Variants in ERFE observed in about 807,000 individuals in gnomAD.
ERFE encodes the protein complement C1q tumor necrosis factor-related protein 15.
Under a neutral mutation model 26.6 loss-of-function variants are expected in ERFE, and 25 were observed. The observed-to-expected ratio is 0.94, with a 90% CI of 0.69 to 1.31. The LOEUF is 1.31. ERFE is among the 40% of genes most tolerant of loss of function. The probability of loss-of-function intolerance (pLI) is 0.00; values close to 1 mark genes in which losing one functional copy is unlikely to be tolerated. For synonymous variants in ERFE, 206 were observed against 204.5 expected (o/e 1.01, Z -0.06); for missense variants, 447 against 440.2 (o/e 1.02, Z -0.14).
At chr2:238,166,104 G>A (rs1485669443) in intron 7 of ERFE, among the ~76,000 whole-genome samples, 1 of 152,228 alleles carries the variant, frequency 6.6e-6, no homozygotes, top group Non-Finnish European at 1.5e-5. Context: ...AGCCAGATAC[G>A]TTATTTTCCT....
At chr2:238,159,258 C>A in intron 1 of ERFE, 53 bp downstream of exon 1, 1 of 193,128 alleles carries the variant, frequency 5.2e-6, no homozygotes, top group Non-Finnish European at 1.0e-5. Flanking sequence ...CGCCCCGGCT[C>A]GGGGCGGCGG....
At chr2:238,164,636 C>G (rs1415109754) in intron 6 of ERFE, 1 of 448,078 alleles carries the variant, frequency 2.2e-6, no homozygotes, top group African/African-American at 2.1e-5. Context: ...GGGCGGATCA[C>G]GAGGTCAGGA....
At position 238,161,672 on chromosome 2, in the gene ERFE, G is replaced by A; in HGVS notation, c.277G>A (p.Val93Ile). The A allele has an allele frequency of 6.5e-7, 1 of 1,548,060 alleles. No homozygotes were observed. Among genetic ancestry groups the A allele is most frequent in the Non-Finnish European group, 8.7e-7 (1 of 1,145,016 alleles). ...CTTCGTCAGGCAGAGTGACAAGGGT[G>A]TCAATGGCAAGAAGAGGAGCAGGGG... Reference protein sequence around the residue: ...MLFVRQSDKGVNGKKRSRGKA... With the variant: ...MLFVRQSDKGINGKKRSRGKA... The change falls in exon 2 of 8, where the codon GTC (valine) becomes ATC (isoleucine). Residue 93 changes from valine (V) to isoleucine (I), a missense_variant. Physicochemically the swap from Val to Ile is conservative, Grantham distance 29 (BLOSUM62 3). Transcript: ENST00000546354.
At chr2:238,166,415 G>T (rs1174769571) in intron 7 of ERFE, among the ~76,000 whole-genome samples, 1 of 152,174 alleles carries the variant, frequency 6.6e-6, no homozygotes, top group Non-Finnish European at 1.5e-5. Context: ...GAACTCAGAT[G>T]GTCTCTGCCC....
intron 6 of ERFE, among the ~76,000 whole-genome samples, chr2:238,165,276 A>T (rs1458225804): frequency 6.6e-6 from 1 of 152,224 alleles, no homozygotes; most frequent in South Asian, 2.1e-4. Context: ...GAACCCCCAG[A>T]GTGTGTTGGC....
In ERFE at chr2:238,163,634, C is replaced by T. The variant is rs1028011147; in HGVS notation, c.425-103C>T. The stretch of plus-strand genomic sequence containing the variant: ...GTCGCCCTCGCCCCACCCCTGCGCC[C>T]GGCAGGCCCCTGGTCTCGCTAGCAC... On this transcript the variant is annotated intron_variant, in intron 3 of 7. Coordinates refer to ENST00000546354, the MANE Select transcript of ERFE (RefSeq NM_001291832.2). 5.8e-6 allele frequency: 7 copies of T among 1,206,046 alleles called. No individual in the cohort carries two copies. In the African/African-American group the frequency reaches 7.9e-5, roughly 14 times the overall value. The allele number at this position is 1,206,046 out of a possible 1,614,324, so 74.7% of individuals were successfully genotyped here.
In ERFE at chr2:238,163,956, T is replaced by C. The variant is rs1692984196; in HGVS notation, c.644T>C (p.Leu215Ser). 1 of 1,380,016 alleles carries C rather than the reference T, an allele frequency of 7.2e-7. No homozygotes were observed. The highest frequency in any genetic ancestry group is 1.7e-5 in the South Asian group (1 of 59,606). 85.5% of individuals were successfully genotyped at this position (1,380,016 alleles called of 1,614,324 possible). The change falls in exon 4 of 8, where the codon TTG becomes TCG. Residue 215 changes from leucine to serine, a missense_variant. Transcript: ENST00000546354. The part of the protein sequence containing the change: ...AFLCRLRRDA[L>S]VERRALHELG... Reference sequence around the variant, plus strand: ...CTCTGCCGCCTGCGCCGGGACGCGTTGGTGGAGCGGCGCGCGCTGCACGAG... The same window carrying C: ...CTCTGCCGCCTGCGCCGGGACGCGTCGGTGGAGCGGCGCGCGCTGCACGAG...
Position 238,162,794 on chromosome 2 carries a change from T to G in ERFE, c.380T>G (p.Ile127Ser), listed in dbSNP as rs1181847085. Reference protein sequence around the residue: ...PGPQGPPGPIIPPEALLKEFQ... With the variant: ...PGPQGPPGPISPPEALLKEFQ... The stretch of plus-strand genomic sequence containing the variant: ...CCCCAGGGCCCCCCAGGCCCCATCA[T>G]CCCACCCGAGGCGCTGCTGAAGGAG... The change falls in exon 3 of 8, where the codon ATC (isoleucine) becomes AGC (serine). Residue 127 changes from isoleucine to serine, a missense_variant. Coordinates refer to ENST00000546354, the MANE Select transcript of ERFE (RefSeq NM_001291832.2). 7 of 1,550,200 alleles carry G rather than the reference T, an allele frequency of 4.5e-6. No individual in the cohort carries two copies. The East Asian group carries it at 1.7e-4, about 38-fold the overall frequency.
chr2:238,164,433 C>T, intron 6 of ERFE, 73 bp downstream of exon 6: 1 of 1,443,872 alleles, frequency 6.9e-7, no homozygotes, highest in Non-Finnish European at 9.4e-7. Flanking sequence ...GTTAAACAGG[C>T]ACTGGACGGG....
chr2:238,162,843 G>A lies in ERFE; in HGVS notation c.424+5G>A. 6.5e-7 allele frequency: 1 copy of A among 1,548,936 alleles called. No homozygotes were observed. The highest frequency in any genetic ancestry group is 2.4e-5 in the East Asian group (1 of 40,918). On this transcript the variant is annotated splice_donor_5th_base_variant and intron_variant, in intron 3 of 7. Transcript: ENST00000546354. ...AGTTCCAGCTGCTGCTGAAAGGTAG[G>A]GGTGTGCACCGGCTGGGACACACAC...
At position 238,166,285 on chromosome 2, in the gene ERFE, C is replaced by T. The variant is rs180718971; in HGVS notation, c.966+601C>T. Among the ~76,000 whole-genome samples, 8 of 152,332 alleles carry T rather than the reference C, an allele frequency of 5.3e-5. No individual in the cohort carries two copies. The East Asian group carries it at 9.6e-4, about 18-fold the overall frequency. On this transcript the variant is annotated intron_variant, in intron 7 of 7. Transcript: ENST00000546354. ...CTTTGGAGAAGGTAGAGCTACTCCC[C>T]GAGTTAGCCCAAGTTCACACAGCAG...
chr2:238,160,129 G>A (rs562114529), intron 1 of ERFE, among the ~76,000 whole-genome samples: 2 of 152,352 alleles, frequency 1.3e-5, no homozygotes, highest in African/African-American at 4.8e-5. Flanking sequence ...GGAGGCAGAC[G>A]GGGCTCAGGG....
chr2:238,161,059 C>T (rs971667197), intron 1 of ERFE, among the ~76,000 whole-genome samples: 3 of 152,248 alleles, frequency 2.0e-5, no homozygotes, highest in African/African-American at 4.8e-5. Context: ...TCCTCTCCCC[C>T]ACTGGACTGT....
In ERFE at chr2:238,167,218, C is replaced by T. The variant is rs1411181274; in HGVS notation, c.*164C>T. 3.8e-6 allele frequency: 3 copies of T among 782,212 alleles called. No individual in the cohort carries two copies. Among genetic ancestry groups the T allele is most frequent in the Admixed American group, 2.0e-5 (1 of 50,066 alleles). 48.5% of individuals were successfully genotyped at this position (782,212 alleles called of 1,614,324 possible). A position where few individuals can be genotyped will look rare whatever the true frequency, so the allele number is the denominator to read the frequency against. On this transcript the variant is annotated 3_prime_UTR_variant, in exon 8 of 8. Transcript: ENST00000546354. ...GCCCACAGAGCCACTGCAGGCAGGC[C>T]TACGGACGTGACACGCACGCTGGTG... is the stretch of plus-strand genomic sequence containing the variant.
rs899836686 is a variant in ERFE at position 238,167,425 on chromosome 2, T to C, written c.*371T>C. Reference sequence around the variant, plus strand: ...TGCCCAGCCCCACCTTTTCCACCTCTCTTCATGTTCTCATGGAGTGCAAAG... The same window carrying C: ...TGCCCAGCCCCACCTTTTCCACCTCCCTTCATGTTCTCATGGAGTGCAAAG... On this transcript the variant is annotated 3_prime_UTR_variant, in exon 8 of 8. Coordinates refer to ENST00000546354, the MANE Select transcript of ERFE (RefSeq NM_001291832.2). 1 of 516,584 alleles carries C rather than the reference T, an allele frequency of 1.9e-6. No individual in the cohort carries two copies. Among genetic ancestry groups the C allele is most frequent in the Non-Finnish European group, 3.7e-6 (1 of 266,766 alleles). 32.0% of individuals were successfully genotyped at this position (516,584 alleles called of 1,614,324 possible).
Position 238,163,732 on chromosome 2 carries a change from G to T in ERFE, c.425-5G>T. ...GGCGCGCGGCCACCGCTCGCTCTGTGCCAGGTGCGGTGCGGCAGCGGGAGC... is the reference window on the plus strand; with the variant it reads ...GGCGCGCGGCCACCGCTCGCTCTGTTCCAGGTGCGGTGCGGCAGCGGGAGC... On this transcript the variant is annotated splice_polypyrimidine_tract_variant and splice_region_variant and intron_variant, in intron 3 of 7. Transcript: ENST00000546354. 7.5e-7 allele frequency: 1 copy of T among 1,331,330 alleles called. No homozygotes were observed. Among genetic ancestry groups the T allele is most frequent in the South Asian group, 2.0e-5 (1 of 49,682 alleles). 82.5% of individuals were successfully genotyped at this position (1,331,330 alleles called of 1,614,324 possible).
chr2:238,164,143 C>A lies in ERFE; in HGVS notation c.756C>A (p.Pro252=). 1 of 1,461,666 alleles carries A rather than the reference C, an allele frequency of 6.8e-7. No individual in the cohort carries two copies. Among genetic ancestry groups the A allele is most frequent in the Admixed American group, 2.5e-5 (1 of 40,352 alleles). The allele number at this position is 1,461,666 out of a possible 1,614,324, so 90.5% of individuals were successfully genotyped here. The change falls in exon 5 of 8, where the codon CCC becomes CCA. Residue 252 remains proline (P), a synonymous_variant. Transcript: ENST00000546354. ...LNLTSGQYRA[P]VAGFYALAAT... is the part of the protein sequence containing the mutation. ...TGACCAGCGGCCAGTACAGGGCGCCCGTGGCTGGCTTCTACGCTCTCGCCG... is the reference window on the plus strand; with the variant it reads ...TGACCAGCGGCCAGTACAGGGCGCCAGTGGCTGGCTTCTACGCTCTCGCCG...
At chr2:238,164,995 G>C (rs76286610) in intron 6 of ERFE, among the ~76,000 whole-genome samples, 3,340 of 152,190 alleles carry the variant, frequency 0.022, 122 homozygotes, top group African/African-American at 0.077. Flanking sequence ...CTTGGGGCTC[G>C]AAGCACCAGT....
At chr2:238,166,851 A>C in intron 7 of ERFE, 105 bp from the exon 8 acceptor site, 1 of 967,724 alleles carries the variant, frequency 1.0e-6, no homozygotes, top group Non-Finnish European at 1.6e-6. Context: ...AGCCCTTCCC[A>C]AAAGCGGGGC....
Sources: gnomAD v4.1 joint callset for allele counts (sites outside exome capture counted in the v4.1 genomes callset) on GRCh38, gnomAD v4.1.1 for gene constraint, MANE v1.5 for transcripts, NCBI Gene and HGNC (gene_info 2026-07-23, HGNC 2026-07-21) for gene names.